The following KLHL8 variants were observed in gnomAD, a reference collection of about 807,000 sequenced individuals.
KLHL8 encodes the protein kelch like family member 8, also known as kelch-like protein 8.
KLHL8 carries 38 observed loss-of-function variants against 63.5 expected under a neutral mutation model. The observed-to-expected ratio is 0.60, with a 90% CI of 0.46 to 0.78. The LOEUF is 0.78. KLHL8 is among the 30% of genes least tolerant of loss of function. The pLI is 0.00. For synonymous variants in KLHL8, 224 were observed against 254.3 expected (o/e 0.88, Z 1.13); for missense variants, 566 against 752.4 (o/e 0.75, Z 2.90).
chr4:87,202,992 T>A (rs1161781067), intron 1 of KLHL8, among the ~76,000 whole-genome samples: 1 of 152,220 alleles, frequency 6.6e-6, no homozygotes, highest in Admixed American at 6.5e-5. Flanking sequence ...TATGCAAGGC[T>A]GCTTCAATAT....
chr4:87,180,139 A>C (rs1730994569), intron 4 of KLHL8, among the ~76,000 whole-genome samples: 1 of 152,242 alleles, frequency 6.6e-6, no homozygotes, highest in South Asian at 2.1e-4. Context: ...TGCTCCTGCA[A>C]CTATGCATAT....
At chr4:87,217,088 G>C (rs1339794821) in intron 1 of KLHL8, among the ~76,000 whole-genome samples, 1 of 152,052 alleles carries the variant, frequency 6.6e-6, no homozygotes, top group Non-Finnish European at 1.5e-5. Context: ...TTCCATAAAA[G>C]CTCCTCAAAA....
rs190639382 is a variant in KLHL8, at chr4:87,178,169, G to A, written c.1096+308C>T. Among the ~76,000 whole-genome samples the A allele has an allele frequency of 4.3e-3, 656 of 152,006 alleles. 5 individuals are homozygous for A. Among genetic ancestry groups the A allele is most frequent in the African/African-American group, 0.015 (630 of 41,464 alleles). On this transcript the variant is annotated intron_variant, in intron 5 of 9. Transcript: ENST00000273963. ...TAATAATCATTAATTTTAATTAGATGGGCATAAAAAAGCTGATATGTAATT... is the reference window on the plus strand; with the variant it reads ...TAATAATCATTAATTTTAATTAGATAGGCATAAAAAAGCTGATATGTAATT...
intron 8 of KLHL8, among the ~76,000 whole-genome samples, chr4:87,166,616 G>A (rs145727331): frequency 1.2e-3 from 176 of 152,296 alleles, no homozygotes; most frequent in Non-Finnish European, 2.1e-3. Flanking sequence ...GTGTGAACCT[G>A]AAACTGCATC....
chr4:87,163,676 C>T, intron 9 of KLHL8, 34 bp from the exon 10 acceptor site: 1 of 1,610,598 alleles, frequency 6.2e-7, no homozygotes, highest in South Asian at 1.1e-5. Flanking sequence ...TGTTACAAAG[C>T]ATAATTTACT....
intron 1 of KLHL8, among the ~76,000 whole-genome samples, chr4:87,198,038 G>T (rs1731768454): frequency 6.6e-6 from 1 of 151,076 alleles, no homozygotes; most frequent in East Asian, 1.9e-4. Flanking sequence ...CCACTTAGTG[G>T]CCCGGTGCAG....
intron 1 of KLHL8, among the ~76,000 whole-genome samples, chr4:87,201,941 A>G (rs767210284): frequency 9.2e-5 from 14 of 152,120 alleles, no homozygotes; most frequent in South Asian, 2.1e-4. Context: ...ATCAAAAAAA[A>G]GTACTAAATC....
intron 1 of KLHL8, among the ~76,000 whole-genome samples, chr4:87,218,547 C>A (rs1363963866): frequency 6.6e-6 from 1 of 152,038 alleles, no homozygotes; most frequent in Admixed American, 6.6e-5. Context: ...TGAAGAAATA[C>A]TGTTTTTAAA....
At chr4:87,209,236 T>G (rs1292792054) in intron 1 of KLHL8, among the ~76,000 whole-genome samples, 1 of 152,118 alleles carries the variant, frequency 6.6e-6, no homozygotes, top group Admixed American at 6.6e-5. Flanking sequence ...AAATAAATGA[T>G]ATTCCTCCTT....
At chr4:87,175,008 T>C (rs1215622199) in intron 6 of KLHL8, among the ~76,000 whole-genome samples, 2 of 152,256 alleles carry the variant, frequency 1.3e-5, no homozygotes, top group Non-Finnish European at 2.9e-5. Context: ...GTAGATAACA[T>C]GGTTTTCAGT....
chr4:87,165,110 A>G (rs1730342371), intron 8 of KLHL8, among the ~76,000 whole-genome samples: 2 of 144,920 alleles, frequency 1.4e-5, no homozygotes. Flanking sequence ...AGATTGTGCC[A>G]CTGCACTCCA....
At chr4:87,166,646 T>A (rs1560688862) in intron 8 of KLHL8, among the ~76,000 whole-genome samples, 1 of 152,204 alleles carries the variant, frequency 6.6e-6, no homozygotes, top group South Asian at 2.1e-4. Context: ...TGAGAACTGT[T>A]TGAAACACAG....
chr4:87,225,659 G>C (rs1732960154), intron 1 of KLHL8, among the ~76,000 whole-genome samples: 1 of 152,180 alleles, frequency 6.6e-6, no homozygotes, highest in South Asian at 2.1e-4. Context: ...ATTACTTGAA[G>C]ATATCTTTAC....
intron 1 of KLHL8, among the ~76,000 whole-genome samples, chr4:87,227,341 A>G (rs960270962): frequency 6.6e-5 from 10 of 152,184 alleles, no homozygotes; most frequent in African/African-American, 2.2e-4. Flanking sequence ...CTTGGACCAT[A>G]GAGTTATTTG....
intron 1 of KLHL8, among the ~76,000 whole-genome samples, chr4:87,230,401 T>C (rs191711009): frequency 6.6e-6 from 1 of 152,248 alleles, no homozygotes; most frequent in African/African-American, 2.4e-5. Context: ...TGGAGAAGGG[T>C]GAAGACGAAT....
chr4:87,211,272 G>C (rs932094058), intron 1 of KLHL8, among the ~76,000 whole-genome samples: 13 of 152,074 alleles, frequency 8.5e-5, no homozygotes, highest in Non-Finnish European at 1.6e-4. Flanking sequence ...TTATTTCAAA[G>C]GTAATACTCT....
chr4:87,226,941 TATATATTATATATAAGTA>T (rs1733030485), intron 1 of KLHL8, among the ~76,000 whole-genome samples: 4 of 47,334 alleles, frequency 8.5e-5, no homozygotes, highest in South Asian at 5.0e-4. Flanking sequence ...ATATAAATAA[TATATATTATATATAAGTA>T]ATATATATTA....
intron 8 of KLHL8, among the ~76,000 whole-genome samples, chr4:87,168,786 G>GTA (rs1730518819): frequency 1.1e-5 from 1 of 88,086 alleles, no homozygotes; most frequent in African/African-American, 3.9e-5. Context: ...ATATATATAC[G>GTA]TATATATACA....
intron 6 of KLHL8, among the ~76,000 whole-genome samples, chr4:87,173,827 T>C: frequency 6.6e-6 from 1 of 152,128 alleles, no homozygotes; most frequent in East Asian, 1.9e-4. Flanking sequence ...AGTTATCACA[T>C]AGTGTAAATC....
Sources: gnomAD v4.1 joint callset for allele counts (sites outside exome capture counted in the v4.1 genomes callset) on GRCh38, gnomAD v4.1.1 for gene constraint, MANE v1.5 for transcripts, NCBI Gene and HGNC (gene_info 2026-07-23, HGNC 2026-07-21) for gene names.